Variants in RANBP2 observed in about 807,000 individuals in gnomAD.
The protein encoded by RANBP2 is RAN binding protein 2.
A neutral mutation model predicts 303.6 loss-of-function variants in RANBP2; 57 were observed. The ratio of observed to expected loss-of-function variants is 0.19; its 90% CI spans 0.15 to 0.23. The LOEUF is 0.23. Among genes scored for constraint, RANBP2 ranks in the 10% least tolerant of loss-of-function variants. The pLI is 1.00. For synonymous variants in RANBP2, 1,167 were observed against 1,301.5 expected, an observed-to-expected ratio of 0.90 and a Z score of 2.23; for missense variants, 3,138 against 3,780.8, an observed-to-expected ratio of 0.83 and a Z score of 4.46.
rs149578420 is a variant in RANBP2, at chr2:108,753,465, A to G, written c.1957A>G (p.Thr653Ala). ...TGAATATGAAGAAGACGCACACATA[A>G]CTTTTGCTATATTGGATGCAGTAAA... ...IVEYEEDAHITFAILDAVNGN... is the reference protein window; with the variant it reads ...IVEYEEDAHIAFAILDAVNGN... The change falls in exon 14 of 29, where the codon ACT becomes GCT. Residue 653 changes from threonine (T) to alanine (A), a missense_variant. Transcript: ENST00000283195. 1.7e-4 allele frequency: 278 copies of G among 1,611,890 alleles called. 2 individuals carry two copies. In the Middle Eastern group the frequency reaches 3.4e-3, roughly 20 times the overall value.
chr2:109,643,490 C>T, the RANBP2 span, among the ~76,000 whole-genome samples: 5 of 151,852 alleles, frequency 3.3e-5, no homozygotes, highest in African/African-American at 7.3e-5. Flanking sequence ...CTGGGCGCAG[C>T]GGCTCACACC....
the RANBP2 span, among the ~76,000 whole-genome samples, chr2:109,380,502 T>A: frequency 1.3e-5 from 2 of 152,196 alleles, no homozygotes; most frequent in Non-Finnish European, 2.9e-5. Flanking sequence ...TCTAAATGGG[T>A]CTAAGCTGGG....
chr2:108,985,816 A>G, the RANBP2 span, among the ~76,000 whole-genome samples: 1 of 152,218 alleles, frequency 6.6e-6, no homozygotes, highest in Non-Finnish European at 1.5e-5. Flanking sequence ...TAACTGTGTC[A>G]TTGGAACAAT....
the RANBP2 span, among the ~76,000 whole-genome samples, chr2:109,181,502 C>A: frequency 6.6e-6 from 1 of 152,186 alleles, no homozygotes; most frequent in African/African-American, 2.4e-5. Context: ...CACACGCACA[C>A]TAACAAACAC....
the RANBP2 span, among the ~76,000 whole-genome samples, chr2:109,693,824 C>T: frequency 1.3e-5 from 2 of 152,178 alleles, no homozygotes; most frequent in Admixed American, 6.5e-5. Flanking sequence ...TGTGTTCTGA[C>T]CACCTTGGGC....
rs1678532615 is a variant in RANBP2, at chr2:108,785,207, AAG to A, written c.*1309_*1310del. 6.6e-6 allele frequency: 1 copy of A among 152,112 alleles called. No individual in the cohort carries two copies. Among genetic ancestry groups the A allele is most frequent in the African/African-American group, 2.4e-5 (1 of 41,430 alleles). The allele number at this position is 152,112 out of a possible 1,614,324, so 9.4% of individuals were successfully genotyped here. A position where few individuals can be genotyped will look rare whatever the true frequency, so the allele number is the denominator to read the frequency against. On this transcript the variant is annotated 3_prime_UTR_variant, in exon 29 of 29. Coordinates refer to ENST00000283195, the MANE Select transcript of RANBP2 (RefSeq NM_006267.5). Reference sequence around the variant, plus strand: ...AAGTAACTGTTCAACCACCAGTCAAAAGAGGGGAGGGATGTTGTGCGAGTAAT... The same window carrying A: ...AAGTAACTGTTCAACCACCAGTCAAAAGGGGAGGGATGTTGTGCGAGTAAT...
At chr2:109,449,387 C>T in the RANBP2 span, 26 of 1,612,252 alleles carry the variant, frequency 1.6e-5, no homozygotes, top group Admixed American at 6.7e-5. Flanking sequence ...ACGTCAGTGC[C>T]GCAAACCTCA....
At chr2:109,594,125 AC>A in the RANBP2 span, among the ~76,000 whole-genome samples, 1 of 152,186 alleles carries the variant, frequency 6.6e-6, no homozygotes, top group East Asian at 1.9e-4. Flanking sequence ...ATGGATATTC[AC>A]TGTTCGCAAC....
the RANBP2 span, among the ~76,000 whole-genome samples, chr2:109,774,511 T>C: frequency 4.1e-4 from 33 of 79,546 alleles, 2 homozygotes; most frequent in East Asian, 7.6e-4. Context: ...TATATATATA[T>C]ATAATATATA....
chr2:109,678,486 A>T, the RANBP2 span, among the ~76,000 whole-genome samples: 1 of 152,206 alleles, frequency 6.6e-6, no homozygotes, highest in Non-Finnish European at 1.5e-5. Flanking sequence ...TGGTCACCAA[A>T]GACAGAGTTG....
the RANBP2 span, among the ~76,000 whole-genome samples, chr2:109,020,271 A>C: frequency 6.6e-6 from 1 of 152,336 alleles, no homozygotes; most frequent in East Asian, 1.9e-4. Context: ...GCTCTGTTAA[A>C]AGACTGGCCA....
the RANBP2 span, among the ~76,000 whole-genome samples, chr2:108,792,830 C>G: frequency 6.9e-6 from 1 of 145,614 alleles, no homozygotes. Context: ...TTTGGGAGGC[C>G]GAGGCGGGTG....
the RANBP2 span, among the ~76,000 whole-genome samples, chr2:109,731,184 A>G: frequency 6.6e-6 from 1 of 152,262 alleles, no homozygotes; most frequent in Non-Finnish European, 1.5e-5. Flanking sequence ...TAGGATTTCA[A>G]CATATGAGTT....
At chr2:109,557,851 CT>C in the RANBP2 span, among the ~76,000 whole-genome samples, 393 of 140,708 alleles carry the variant, frequency 2.8e-3, no homozygotes, top group African/African-American at 5.8e-3. Context: ...TCATAATTTT[CT>C]TTTTTTTTTT....
chr2:109,558,072 G>A, the RANBP2 span, among the ~76,000 whole-genome samples: 3 of 152,070 alleles, frequency 2.0e-5, no homozygotes, highest in East Asian at 1.9e-4. Context: ...GATTACAGGC[G>A]TGAACGACTG....
the RANBP2 span, among the ~76,000 whole-genome samples, chr2:109,322,639 T>G: frequency 6.6e-6 from 1 of 152,180 alleles, no homozygotes; most frequent in Non-Finnish European, 1.5e-5. Flanking sequence ...CAAAGGCTGG[T>G]CTCCAGCAGA....
chr2:108,761,542 A>G (rs1319390390), intron 18 of RANBP2, among the ~76,000 whole-genome samples: 1 of 152,232 alleles, frequency 6.6e-6, no homozygotes, highest in Non-Finnish European at 1.5e-5. Context: ...CAGTTTGTAC[A>G]TCAGCATGAG....
chr2:108,925,641 A>G, the RANBP2 span, among the ~76,000 whole-genome samples: 1 of 152,104 alleles, frequency 6.6e-6, no homozygotes, highest in South Asian at 2.1e-4. Flanking sequence ...TCCCCCTGAA[A>G]CAGTCTCCTT....
the RANBP2 span, among the ~76,000 whole-genome samples, chr2:109,150,336 G>A: frequency 4.6e-5 from 7 of 152,164 alleles, no homozygotes; most frequent in Admixed American, 3.3e-4. Flanking sequence ...GGCTGGAGAG[G>A]ATGGCCGAGG....
Sources: allele counts gnomAD v4.1 joint callset (sites outside exome capture counted in the v4.1 genomes callset), GRCh38; gene constraint gnomAD v4.1.1; transcripts MANE v1.5; gene names NCBI Gene and HGNC (gene_info 2026-07-23, HGNC 2026-07-21).